Variants in BMP2K observed in about 807,000 individuals in gnomAD.
BMP2K encodes the protein BMP-2-inducible protein kinase.
Under a neutral mutation model 116.0 loss-of-function variants are expected in BMP2K, and 74 were observed. That is an observed-to-expected ratio of 0.64 (90% confidence interval 0.53 to 0.77). The LOEUF is 0.77. Among genes scored for constraint, BMP2K ranks in the 30% least tolerant of loss-of-function variants. The probability of loss-of-function intolerance (pLI) is 0.00; values close to 1 mark genes in which losing one functional copy is unlikely to be tolerated. For missense variants in BMP2K, 1,365 were observed against 1,403.6 expected, an observed-to-expected ratio of 0.97 and a Z score of 0.44; for synonymous variants, 486 against 502.5, an observed-to-expected ratio of 0.97 and a Z score of 0.44.
At chr4:78,892,007 T>C (rs1356914518) in intron 15 of BMP2K, among the ~76,000 whole-genome samples, 2 of 152,218 alleles carry the variant, frequency 1.3e-5, no homozygotes, top group Non-Finnish European at 2.9e-5. Context: ...ATTGCTGTTT[T>C]CAGTCTTTAA....
intron 3 of BMP2K, among the ~76,000 whole-genome samples, chr4:78,840,434 C>T (rs990785047): frequency 1.4e-4 from 21 of 152,110 alleles, no homozygotes; most frequent in Non-Finnish European, 2.2e-4. Context: ...TCTGTGCTCT[C>T]AGGCGATAGA....
chr4:78,825,490 C>T (rs778919407), intron 1 of BMP2K, among the ~76,000 whole-genome samples: 4 of 152,196 alleles, frequency 2.6e-5, no homozygotes, highest in Non-Finnish European at 4.4e-5. Flanking sequence ...CCCTGCAACT[C>T]GGGCTGACTT....
In BMP2K at chr4:78,872,303, C is replaced by CTTTTTT. The variant is rs34599936; in HGVS notation, c.1609-290_1609-285dup. ...TATTTTCTTCAGAGAATAATTTGAC[C>CTTTTTT]TTTTTTTTTTTTTTTTTTTTTTTTT... is the stretch of plus-strand genomic sequence containing the variant. On this transcript the variant is annotated intron_variant, in intron 12 of 15. Transcript: ENST00000502613. The CTTTTTT allele has an allele frequency of 3.4e-4, 31 of 92,326 alleles. 4 individuals are homozygous for CTTTTTT. Among genetic ancestry groups the CTTTTTT allele is most frequent in the Admixed American group, 7.0e-4 (4 of 5,700 alleles). 5.7% of individuals were successfully genotyped at this position (92,326 alleles called of 1,614,324 possible). A position where few individuals can be genotyped will look rare whatever the true frequency, so the allele number is the denominator to read the frequency against.
In BMP2K at chr4:78,914,104, A is replaced by G. The variant is rs572132766; in HGVS notation, c.*2071A>G. The G allele has an allele frequency of 2.2e-3, 328 of 152,142 alleles. 1 individual carries two copies. The highest frequency in any genetic ancestry group is 7.1e-3 in the African/African-American group (295 of 41,528). 9.4% of individuals were successfully genotyped at this position (152,142 alleles called of 1,614,324 possible). ...ATGAAAATCTGTTGAGGTGTACACA[A>G]TATGCTTCTTGATTGTATTAGTCCT... On this transcript the variant is annotated 3_prime_UTR_variant, in exon 16 of 16. Coordinates refer to ENST00000502613, the MANE Select transcript of BMP2K (RefSeq NM_198892.2).
intron 10 of BMP2K, among the ~76,000 whole-genome samples, chr4:78,867,489 T>A (rs1056829987): frequency 1.3e-5 from 2 of 152,220 alleles, no homozygotes; most frequent in African/African-American, 4.8e-5. Flanking sequence ...CTTTCTTACA[T>A]GCTTTCAGCT....
intron 1 of BMP2K, among the ~76,000 whole-genome samples, chr4:78,796,662 A>G (rs2109945899): frequency 6.6e-6 from 1 of 152,272 alleles, no homozygotes; most frequent in East Asian, 1.9e-4. Flanking sequence ...CTGAATTTGA[A>G]CAGCAATATA....
At chr4:78,829,753 A>ATCTTTTTTCTTTTCTTTTCTTT (rs1553915807) in intron 2 of BMP2K, among the ~76,000 whole-genome samples, 6 of 121,984 alleles carry the variant, frequency 4.9e-5, no homozygotes, top group African/African-American at 1.7e-4. Context: ...CATGGAAACA[A>ATCTTTTTTCTTTTCTTTTCTTT]TCTTTTCTTT....
intron 1 of BMP2K, among the ~76,000 whole-genome samples, chr4:78,818,961 T>C (rs1019076534): frequency 6.6e-6 from 1 of 152,120 alleles, no homozygotes; most frequent in African/African-American, 2.4e-5. Flanking sequence ...CATGCCTGGC[T>C]AATTTTTTGT....
At chr4:78,843,394 A>G (rs904376419) in intron 4 of BMP2K, among the ~76,000 whole-genome samples, 1 of 151,116 alleles carries the variant, frequency 6.6e-6, no homozygotes, top group African/African-American at 2.4e-5. Context: ...CTCTCCCTCT[A>G]GAATGTAAGC....
At chr4:78,783,614 T>C (rs149197165) in intron 1 of BMP2K, among the ~76,000 whole-genome samples, 32 of 152,282 alleles carry the variant, frequency 2.1e-4, no homozygotes, top group Non-Finnish European at 4.1e-4. Context: ...GAGACCAGCC[T>C]GGCCAACAGG....
intron 1 of BMP2K, among the ~76,000 whole-genome samples, chr4:78,781,418 G>GA (rs1270148045): frequency 6.6e-6 from 1 of 151,758 alleles, no homozygotes; most frequent in African/African-American, 2.4e-5. Context: ...CATAAGGAAG[G>GA]AACAGATTTT....
In BMP2K at chr4:78,861,602, T is replaced by A. The variant is rs569492468; in HGVS notation, c.1067+134T>A. 42 of 716,440 alleles carry A rather than the reference T, an allele frequency of 5.9e-5. No homozygotes were observed. The South Asian group carries it at 8.8e-4, about 15-fold the overall frequency. The allele number at this position is 716,440 out of a possible 1,614,324, so 44.4% of individuals were successfully genotyped here. On this transcript the variant is annotated intron_variant, in intron 9 of 15. Transcript: ENST00000502613. ...GTTGTGTTGCTTATTGTATGTGGTA[T>A]AATTGAGATAGCAAATACAAAATAA... is the stretch of plus-strand genomic sequence containing the variant.
At position 78,788,224 on chromosome 4, in the gene BMP2K, A is replaced by G. The variant is rs114522308; in HGVS notation, c.178+11503A>G. On this transcript the variant is annotated intron_variant, in intron 1 of 15. Transcript: ENST00000502613. ...AGAAAAAAAAAGTTGCTACTGACTC[A>G]TGATCAGTAGGCCATGTATTCTGAA... is the stretch of plus-strand genomic sequence containing the variant. 6.6e-3 allele frequency among the ~76,000 whole-genome samples: 1,009 copies of G among 152,208 alleles called. 4 individuals carry two copies. The highest frequency in any genetic ancestry group is 0.012 in the Admixed American group (180 of 15,282).
chr4:78,777,148 CT>C (rs1360181525), intron 1 of BMP2K, among the ~76,000 whole-genome samples: 2 of 152,102 alleles, frequency 1.3e-5, no homozygotes, highest in Non-Finnish European at 2.9e-5. Context: ...GCATAGGACC[CT>C]GCAGCCCCTG....
At position 78,898,772 on chromosome 4, in the gene BMP2K, A is replaced by T. The variant is rs372864954; in HGVS notation, c.2062+11488A>T. ...GTATTGAATCACTTGGACAATGTGA[A>T]TTGGGATATTAACAAAAATAAGAAA... is the stretch of plus-strand genomic sequence containing the variant. On this transcript the variant is annotated intron_variant, in intron 15 of 15. Coordinates refer to ENST00000502613, the MANE Select transcript of BMP2K (RefSeq NM_198892.2). 3.0e-4 allele frequency: 45 copies of T among 152,168 alleles called. No individual in the cohort carries two copies. The East Asian group carries it at 6.8e-3, about 23-fold the overall frequency. The allele number at this position is 152,168 out of a possible 1,614,324, so 9.4% of individuals were successfully genotyped here. A position where few individuals can be genotyped will look rare whatever the true frequency, so the allele number is the denominator to read the frequency against.
At chr4:78,821,872 G>A (rs909512908) in intron 1 of BMP2K, among the ~76,000 whole-genome samples, 1 of 151,958 alleles carries the variant, frequency 6.6e-6, no homozygotes, top group African/African-American at 2.4e-5. Flanking sequence ...GAATTTGAGG[G>A]GAGTTACAAA....
At chr4:78,796,416 T>G in intron 1 of BMP2K, among the ~76,000 whole-genome samples, 1 of 148,028 alleles carries the variant, frequency 6.8e-6, no homozygotes, top group African/African-American at 2.5e-5. Flanking sequence ...GGGATAGCAT[T>G]GGGAGATATA....
At chr4:78,836,976 T>C (rs2110015431) in intron 3 of BMP2K, among the ~76,000 whole-genome samples, 1 of 152,318 alleles carries the variant, frequency 6.6e-6, no homozygotes, top group South Asian at 2.1e-4. Flanking sequence ...ATTTTTGGTA[T>C]GCTTTTTGTG....
chr4:78,823,118 A>G (rs17003457), intron 1 of BMP2K, among the ~76,000 whole-genome samples: 3,321 of 152,278 alleles, frequency 0.022, 125 homozygotes, highest in African/African-American at 0.075. Flanking sequence ...TTGAAGTTCA[A>G]CGTATCTTCT....
Sources: gnomAD v4.1 joint callset for allele counts (sites outside exome capture counted in the v4.1 genomes callset) on GRCh38, gnomAD v4.1.1 for gene constraint, MANE v1.5 for transcripts, NCBI Gene and HGNC (gene_info 2026-07-23, HGNC 2026-07-21) for gene names.